The following GPR158 variants were observed in gnomAD, a reference collection of about 807,000 sequenced individuals.
GPR158 encodes metabotropic glycine receptor.
A neutral mutation model predicts 78.2 loss-of-function variants in GPR158; 30 were observed. The observed-to-expected ratio is 0.38, with a 90% CI of 0.29 to 0.52. The LOEUF is 0.52. GPR158 is among the 20% of genes least tolerant of loss of function. The pLI, the probability that GPR158 is intolerant of heterozygous loss-of-function variation, is 0.83. For synonymous variants in GPR158, 581 were observed against 591.1 expected (o/e 0.98, Z 0.25); for missense variants, 1,463 against 1,523.5 (o/e 0.96, Z 0.66).
intron 2 of GPR158, among the ~76,000 whole-genome samples, chr10:25,354,185 C>G (rs560164738): frequency 2.6e-5 from 4 of 151,938 alleles, no homozygotes; most frequent in African/African-American, 7.2e-5. Context: ...GAAACACACT[C>G]TCTACTAAAA....
chr10:25,438,723 G>A (rs916633943), intron 4 of GPR158, among the ~76,000 whole-genome samples: 24 of 152,146 alleles, frequency 1.6e-4, no homozygotes, highest in African/African-American at 4.1e-4. Flanking sequence ...GAATAATATG[G>A]TTTCAAGGCA....
intron 4 of GPR158, among the ~76,000 whole-genome samples, chr10:25,415,139 T>A (rs1834642818): frequency 6.6e-6 from 1 of 152,076 alleles, no homozygotes; most frequent in Non-Finnish European, 1.5e-5. Flanking sequence ...TTCTTAGATA[T>A]GACAACAGAA....
chr10:25,208,558 T>TTGTGTGTGTGTG (rs71399956), intron 1 of GPR158, among the ~76,000 whole-genome samples: 8 of 135,248 alleles, frequency 5.9e-5, no homozygotes, highest in African/African-American at 1.9e-4. Flanking sequence ...CTATGTGAAT[T>TTGTGTGTGTGTG]TGTGTGTGTG....
chr10:25,474,976 T>C (rs898622617), intron 5 of GPR158, among the ~76,000 whole-genome samples: 4 of 152,170 alleles, frequency 2.6e-5, no homozygotes, highest in Non-Finnish European at 2.9e-5. Context: ...CTAATATTCA[T>C]ACTTATTCAA....
chr10:25,433,034 T>C (rs1029793272), intron 4 of GPR158, among the ~76,000 whole-genome samples: 2 of 152,216 alleles, frequency 1.3e-5, no homozygotes, highest in African/African-American at 4.8e-5. Context: ...TATAGAATTC[T>C]TACAGTCACC....
At chr10:25,318,719 G>C (rs1159913348) in intron 2 of GPR158, among the ~76,000 whole-genome samples, 2 of 152,030 alleles carry the variant, frequency 1.3e-5, no homozygotes, top group African/African-American at 4.8e-5. Context: ...TTGTTCGTAT[G>C]ATCACCATTA....
At chr10:25,513,168 A>ATT (rs571813298) in intron 5 of GPR158, among the ~76,000 whole-genome samples, 31 of 141,650 alleles carry the variant, frequency 2.2e-4, no homozygotes, top group African/African-American at 6.5e-4. Flanking sequence ...CTGGTCCTGG[A>ATT]TTTTTTTTTT....
At chr10:25,236,447 G>T (rs979312709) in intron 2 of GPR158, among the ~76,000 whole-genome samples, 5 of 152,194 alleles carry the variant, frequency 3.3e-5, no homozygotes, top group Admixed American at 2.0e-4. Context: ...GGTGGAGCTT[G>T]CAGTGAGCCG....
intron 2 of GPR158, among the ~76,000 whole-genome samples, chr10:25,304,253 C>A (rs1854636428): frequency 6.6e-6 from 1 of 151,996 alleles, no homozygotes; most frequent in African/African-American, 2.4e-5. Flanking sequence ...ATCACCTTAG[C>A]AACTGTCTGA....
intron 1 of GPR158, 140 bp from the exon 2 acceptor site, chr10:25,220,912 G>A: frequency 5.1e-6 from 3 of 591,862 alleles, no homozygotes; most frequent in South Asian, 2.1e-5. Flanking sequence ...TTCTCTTGGT[G>A]CACTTTGGTT....
intron 2 of GPR158, among the ~76,000 whole-genome samples, chr10:25,356,000 C>G (rs902240053): frequency 1.3e-5 from 2 of 152,094 alleles, no homozygotes; most frequent in Non-Finnish European, 2.9e-5. Flanking sequence ...AGTGATGTCT[C>G]TTCCTCAGGA....
chr10:25,498,373 T>C (rs528519151), intron 5 of GPR158, among the ~76,000 whole-genome samples: 7 of 152,312 alleles, frequency 4.6e-5, no homozygotes, highest in African/African-American at 1.7e-4. Flanking sequence ...AATACAGACC[T>C]CTTTGTAATG....
intron 2 of GPR158, among the ~76,000 whole-genome samples, chr10:25,335,754 GC>G (rs774645539): frequency 1.3e-5 from 2 of 151,998 alleles, no homozygotes; most frequent in Non-Finnish European, 2.9e-5. Context: ...TCTCTGAGAT[GC>G]CATTTTATAG....
At chr10:25,422,946 A>T (rs994010435) in intron 4 of GPR158, among the ~76,000 whole-genome samples, 1 of 149,944 alleles carries the variant, frequency 6.7e-6, no homozygotes, top group Non-Finnish European at 1.5e-5. Flanking sequence ...GAGTGAGAAC[A>T]TACAATGTTT....
At chr10:25,544,727 A>G (rs142966778) in intron 5 of GPR158, among the ~76,000 whole-genome samples, 83 of 152,266 alleles carry the variant, frequency 5.5e-4, no homozygotes, top group African/African-American at 1.6e-3. Flanking sequence ...TTTTTGTTAT[A>G]CTTTAAGTTT....
chr10:25,378,853 A>C (rs904511827), intron 2 of GPR158, among the ~76,000 whole-genome samples: 1 of 151,892 alleles, frequency 6.6e-6, no homozygotes, highest in African/African-American at 2.4e-5. Context: ...GTGCAGTGGC[A>C]CAATCATAGC....
At chr10:25,365,003 C>A (rs1855697056) in intron 2 of GPR158, among the ~76,000 whole-genome samples, 1 of 151,754 alleles carries the variant, frequency 6.6e-6, no homozygotes, top group Admixed American at 6.6e-5. Flanking sequence ...AACATTTCAA[C>A]TGTCTATGTA....
At chr10:25,259,111 G>T (rs1217967299) in intron 2 of GPR158, among the ~76,000 whole-genome samples, 2 of 152,146 alleles carry the variant, frequency 1.3e-5, no homozygotes, top group African/African-American at 2.4e-5. Flanking sequence ...AAGAGGAGGG[G>T]TTGGCCTTGT....
intron 5 of GPR158, among the ~76,000 whole-genome samples, chr10:25,470,927 A>G (rs1835490855): frequency 6.6e-6 from 1 of 151,870 alleles, no homozygotes; most frequent in Admixed American, 6.6e-5. Context: ...AAAAATGTCA[A>G]ATCTAGGCTG....
Sources: allele counts gnomAD v4.1 joint callset (sites outside exome capture counted in the v4.1 genomes callset), GRCh38; gene constraint gnomAD v4.1.1; transcripts MANE v1.5; gene names NCBI Gene and HGNC (gene_info 2026-07-23, HGNC 2026-07-21).